The following B3GALT1 variants were observed in gnomAD, a reference collection of about 807,000 sequenced individuals.
B3GALT1 encodes the protein beta-1,3-galactosyltransferase 1, also known as UDP-Gal:betaGlcNAc beta 1,3-galactosyltransferase, polypeptide 1.
B3GALT1 carries 10 observed loss-of-function variants against 23.2 expected under a neutral mutation model. The ratio of observed to expected loss-of-function variants is 0.43; its 90% CI spans 0.27 to 0.73. The LOEUF (loss-of-function observed/expected upper bound fraction) is 0.73, where lower values mean the gene tolerates loss of function less well. Ranked by LOEUF, B3GALT1 falls within the 30% of genes least tolerant of loss-of-function variation. B3GALT1 has a pLI of 0.21. For synonymous variants in B3GALT1, 156 were observed against 141.5 expected (o/e 1.10, Z -0.73); for missense variants, 299 against 405.4 (o/e 0.74, Z 2.25).
At chr2:167,506,979 T>C (rs1308038132) in intron 2 of B3GALT1, among the ~76,000 whole-genome samples, 2 of 152,180 alleles carry the variant, frequency 1.3e-5, no homozygotes, top group African/African-American at 4.8e-5. Flanking sequence ...GCTATCACTC[T>C]AAGAAGACTC....
At chr2:167,673,387 A>G (rs1468971577) in intron 3 of B3GALT1, among the ~76,000 whole-genome samples, 1 of 152,160 alleles carries the variant, frequency 6.6e-6, no homozygotes, top group Non-Finnish European at 1.5e-5. Flanking sequence ...AAGATAGAAA[A>G]GGCAGAAAAT....
At chr2:167,763,213 A>G (rs1367287965) in intron 3 of B3GALT1, among the ~76,000 whole-genome samples, 2 of 152,204 alleles carry the variant, frequency 1.3e-5, no homozygotes, top group African/African-American at 2.4e-5. Flanking sequence ...CCGCAAATGA[A>G]TAACTATGCA....
At chr2:167,802,608 A>G (rs1688659562) in intron 3 of B3GALT1, among the ~76,000 whole-genome samples, 1 of 152,226 alleles carries the variant, frequency 6.6e-6, no homozygotes, top group Non-Finnish European at 1.5e-5. Context: ...TCATCTTAAT[A>G]TAACCAAATG....
intron 3 of B3GALT1, among the ~76,000 whole-genome samples, chr2:167,661,649 C>T (rs181496392): frequency 6.6e-6 from 1 of 152,082 alleles, no homozygotes; most frequent in Admixed American, 6.6e-5. Context: ...GTCTAATGTC[C>T]CCTGGGGCAC....
chr2:167,624,880 T>A (rs966940844), intron 2 of B3GALT1, among the ~76,000 whole-genome samples: 7 of 152,044 alleles, frequency 4.6e-5, no homozygotes, highest in Admixed American at 2.0e-4. Context: ...AACTACTTTA[T>A]GGAAAAAATA....
intron 2 of B3GALT1, among the ~76,000 whole-genome samples, chr2:167,551,866 C>G (rs1249160058): frequency 2.6e-5 from 4 of 152,118 alleles, no homozygotes; most frequent in Non-Finnish European, 4.4e-5. Context: ...TCTGGGAGCA[C>G]ACTGGAGGGG....
At position 167,829,221 on chromosome 2, in the gene B3GALT1, C is replaced by T. The variant is rs1035803939; in HGVS notation, c.-230+10428C>T. ...TATCTAGGCCAGGTGCGGTGGCTCA[C>T]GCCTGTAATCCCAGCACTTTGGGAG... On this transcript the variant is annotated intron_variant, in intron 4 of 4. Transcript: ENST00000392690. Among the ~76,000 whole-genome samples, 10 of 152,110 alleles carry T rather than the reference C, an allele frequency of 6.6e-5. 1 individual carries two copies. In the South Asian group the frequency reaches 1.0e-3, roughly 16 times the overall value.
At chr2:167,530,760 C>T (rs1390598562) in intron 2 of B3GALT1, among the ~76,000 whole-genome samples, 2 of 152,104 alleles carry the variant, frequency 1.3e-5, no homozygotes, top group African/African-American at 2.4e-5. Context: ...TGATGGGAAA[C>T]CTTTTCCAAT....
chr2:167,438,595 G>T (rs1698827002), intron 1 of B3GALT1, among the ~76,000 whole-genome samples: 1 of 152,178 alleles, frequency 6.6e-6, no homozygotes, highest in South Asian at 2.1e-4. Flanking sequence ...AAAGTGGTAG[G>T]GAATGGGGAT....
intron 3 of B3GALT1, among the ~76,000 whole-genome samples, chr2:167,675,611 G>C (rs1285061378): frequency 6.6e-6 from 1 of 152,136 alleles, no homozygotes; most frequent in Non-Finnish European, 1.5e-5. Flanking sequence ...CAGTGTTACT[G>C]TCCTGTGATG....
chr2:167,712,888 T>C (rs1358145868), intron 3 of B3GALT1, among the ~76,000 whole-genome samples: 1 of 152,218 alleles, frequency 6.6e-6, no homozygotes, highest in African/African-American at 2.4e-5. Context: ...CAATGTTAAA[T>C]TTATTTAAAT....
intron 1 of B3GALT1, among the ~76,000 whole-genome samples, chr2:167,321,698 T>G (rs1024491820): frequency 3.3e-5 from 5 of 152,044 alleles, no homozygotes; most frequent in Non-Finnish European, 7.4e-5. Context: ...CTATTCATGC[T>G]TCCCCACGTG....
intron 2 of B3GALT1, among the ~76,000 whole-genome samples, chr2:167,644,993 CT>C (rs1374162035): frequency 6.6e-6 from 1 of 152,112 alleles, no homozygotes; most frequent in Non-Finnish European, 1.5e-5. Flanking sequence ...TGAAACTTCA[CT>C]TTCAGAATAT....
intron 3 of B3GALT1, among the ~76,000 whole-genome samples, chr2:167,796,162 T>G (rs35120611): frequency 0.2 from 30,224 of 152,158 alleles, 3,233 homozygotes; most frequent in Middle Eastern, 0.28. Context: ...GATTTTTTTT[T>G]AAATATGTGA....
In B3GALT1 at chr2:167,566,568, T is replaced by C. The variant is rs201811403; in HGVS notation, c.-410+76291T>C. Among the ~76,000 whole-genome samples the C allele has an allele frequency of 6.2e-5, 3 of 48,516 alleles. No individual in the cohort carries two copies. In the South Asian group the frequency reaches 5.1e-3, roughly 83 times the overall value. 31.8% of individuals were successfully genotyped at this position (48,516 alleles called of 152,430 possible). On this transcript the variant is annotated intron_variant, in intron 2 of 4. Transcript: ENST00000392690. ...ATAAACTTTAAAAAAAAAGACAAAA[T>C]AAAAAAGAATAACGTAGTCCAGCCT...
At chr2:167,623,264 C>T (rs1455907699) in intron 2 of B3GALT1, among the ~76,000 whole-genome samples, 1 of 152,120 alleles carries the variant, frequency 6.6e-6, no homozygotes, top group Non-Finnish European at 1.5e-5. Context: ...AATCCCATTA[C>T]TGGGTATATG....
intron 3 of B3GALT1, among the ~76,000 whole-genome samples, chr2:167,750,433 AT>A (rs1161129861): frequency 1.3e-5 from 2 of 152,162 alleles, no homozygotes; most frequent in African/African-American, 4.8e-5. Context: ...TCTTAGTGGC[AT>A]TTTTTAAGTC....
intron 4 of B3GALT1, among the ~76,000 whole-genome samples, chr2:167,867,932 G>T (rs1690265860): frequency 6.6e-6 from 1 of 152,104 alleles, no homozygotes; most frequent in South Asian, 2.1e-4. Context: ...ATCTTCATTG[G>T]ATCTGTGGCC....
chr2:167,671,700 CAAAT>C (rs1218395739), intron 3 of B3GALT1, among the ~76,000 whole-genome samples: 1 of 150,144 alleles, frequency 6.7e-6, no homozygotes, highest in Non-Finnish European at 1.5e-5. Context: ...GGAAAGATCT[CAAAT>C]AAACAACTTT....
Sources: allele counts gnomAD v4.1 joint callset (sites outside exome capture counted in the v4.1 genomes callset), GRCh38; gene constraint gnomAD v4.1.1; transcripts MANE v1.5; gene names NCBI Gene and HGNC (gene_info 2026-07-23, HGNC 2026-07-21).